The following THSD4 variants were observed in gnomAD, a reference collection of about 807,000 sequenced individuals.
The protein encoded by THSD4 is thrombospondin type 1 domain containing 4.
In THSD4, 69 loss-of-function variants were observed where a neutral mutation model predicts 119.0. The observed-to-expected ratio is 0.58, with a 90% CI of 0.48 to 0.71. The LOEUF is 0.71. Ranked by LOEUF, THSD4 falls within the 30% of genes least tolerant of loss-of-function variation. The pLI is 0.00. For missense variants in THSD4, 1,393 were observed against 1,391.1 expected, an observed-to-expected ratio of 1.00 and a Z score of -0.02; for synonymous variants, 524 against 540.4, an observed-to-expected ratio of 0.97 and a Z score of 0.42.
At chr15:71,476,627 T>A (rs965196092) in intron 7 of THSD4, among the ~76,000 whole-genome samples, 12 of 152,214 alleles carry the variant, frequency 7.9e-5, no homozygotes, top group African/African-American at 2.9e-4. Context: ...TGCTGTAGAA[T>A]GTCCTGTTTG....
At chr15:71,209,292 C>T (rs1175485398) in intron 3 of THSD4, among the ~76,000 whole-genome samples, 1 of 152,164 alleles carries the variant, frequency 6.6e-6, no homozygotes, top group African/African-American at 2.4e-5. Flanking sequence ...CTAGCAGATT[C>T]GCATTCTTTT....
At position 71,681,392 on chromosome 15, in the gene THSD4, G is replaced by A. The variant is rs552998845; in HGVS notation, c.1357+20658G>A. On this transcript the variant is annotated intron_variant, in intron 8 of 17. Transcript: ENST00000261862. ...ACAATCAGTATCAAAAGTTTACGTG[G>A]CACACTGGGCGTGGTGGCTCATGCC... Among the ~76,000 whole-genome samples the A allele has an allele frequency of 3.4e-4, 52 of 151,866 alleles. No homozygotes were observed. In the South Asian group the frequency reaches 9.2e-3, roughly 27 times the overall value.
At chr15:71,547,446 G>A (rs970073950) in intron 7 of THSD4, 23 of 1,550,304 alleles carry the variant, frequency 1.5e-5, no homozygotes, top group Non-Finnish European at 1.9e-5. Context: ...ATTGCTCCAC[G>A]TTCAAACAGC....
intron 8 of THSD4, among the ~76,000 whole-genome samples, chr15:71,686,027 T>G (rs1171446546): frequency 6.6e-6 from 1 of 152,202 alleles, no homozygotes; most frequent in Non-Finnish European, 1.5e-5. Context: ...AGAGTTCCCA[T>G]GTACTCTTAA....
intron 10 of THSD4, 140 bp downstream of exon 10, chr15:71,731,357 C>A: frequency 2.6e-6 from 2 of 764,188 alleles, no homozygotes; most frequent in Non-Finnish European, 4.4e-6. Context: ...AGCCAAGGGG[C>A]CTTGACATTG....
intron 7 of THSD4, among the ~76,000 whole-genome samples, chr15:71,641,601 G>A (rs777058172): frequency 3.9e-5 from 6 of 152,242 alleles, no homozygotes; most frequent in Non-Finnish European, 5.9e-5. Context: ...GGAGGGGTGT[G>A]ATTCCAAAGA....
rs377351190 is a variant in THSD4, at chr15:71,748,490, G to A, written c.2311G>A (p.Val771Ile). Residue 771 changes from valine (V) to isoleucine (I), a missense_variant, in exon 14 of 18, where the codon GTT (valine) becomes ATT (isoleucine). Val to Ile is a conservative substitution (Grantham distance 29). Transcript: ENST00000261862. ...GTGTGTGAGCAACATTGGGGATGTGGTTGACGATGAGGAATGCAACATGAA... is the reference window on the plus strand; with the variant it reads ...GTGTGTGAGCAACATTGGGGATGTGATTGACGATGAGGAATGCAACATGAA... The part of the protein sequence containing the change: ...VKCVSNIGDV[V>I]DDEECNMKLR... 6.2e-7 allele frequency: 1 copy of A among 1,614,134 alleles called. No individual in the cohort carries two copies. The highest frequency in any genetic ancestry group is 8.5e-7 in the Non-Finnish European group (1 of 1,180,058).
At chr15:71,304,223 T>G (rs2044992576) in intron 6 of THSD4, among the ~76,000 whole-genome samples, 1 of 152,102 alleles carries the variant, frequency 6.6e-6, no homozygotes, top group South Asian at 2.1e-4. Context: ...GCACAAGCTC[T>G]GGCCCATCTG....
chr15:71,521,517 G>A (rs577508593), intron 7 of THSD4, among the ~76,000 whole-genome samples: 56 of 152,274 alleles, frequency 3.7e-4, no homozygotes, highest in African/African-American at 1.3e-3. Context: ...TCCTGGCAGA[G>A]TTACTTTTTA....
intron 7 of THSD4, among the ~76,000 whole-genome samples, chr15:71,445,824 C>T (rs2140567877): frequency 6.6e-6 from 1 of 152,318 alleles, no homozygotes; most frequent in Middle Eastern, 3.4e-3. Flanking sequence ...AAATGTTATC[C>T]ATGACGGGAT....
At chr15:71,250,987 A>G (rs2044254228) in intron 5 of THSD4, among the ~76,000 whole-genome samples, 1 of 152,236 alleles carries the variant, frequency 6.6e-6, no homozygotes, top group African/African-American at 2.4e-5. Flanking sequence ...CAAAACAACA[A>G]CAATGAAAAA....
intron 7 of THSD4, among the ~76,000 whole-genome samples, chr15:71,596,047 TTTTG>T (rs1470073321): frequency 1.3e-5 from 2 of 152,202 alleles, no homozygotes; most frequent in Non-Finnish European, 1.5e-5. Context: ...AAAAGTTCAG[TTTTG>T]TTTGTTTTGA....
At chr15:71,510,073 G>A (rs1210243787) in intron 7 of THSD4, among the ~76,000 whole-genome samples, 1 of 152,232 alleles carries the variant, frequency 6.6e-6, no homozygotes, top group Non-Finnish European at 1.5e-5. Context: ...CCCTAGAGCT[G>A]TGTGTCGCTG....
intron 7 of THSD4, among the ~76,000 whole-genome samples, chr15:71,484,795 A>G (rs2140677799): frequency 6.6e-6 from 1 of 152,284 alleles, no homozygotes; most frequent in East Asian, 1.9e-4. Flanking sequence ...CTTGTGATGG[A>G]GTACGACCTG....
At chr15:71,566,777 C>G (rs72737273) in intron 7 of THSD4, among the ~76,000 whole-genome samples, 8,270 of 151,294 alleles carry the variant, frequency 0.055, 268 homozygotes, top group South Asian at 0.11. Flanking sequence ...GCCATTCCCA[C>G]TTGGTCATCA....
intron 7 of THSD4, among the ~76,000 whole-genome samples, chr15:71,553,789 G>C (rs2048971145): frequency 6.6e-6 from 1 of 152,246 alleles, no homozygotes; most frequent in African/African-American, 2.4e-5. Context: ...GCTCATATGA[G>C]TTGTTTCCAT....
chr15:71,667,644 T>C (rs2141008029), intron 8 of THSD4, among the ~76,000 whole-genome samples: 1 of 152,350 alleles, frequency 6.6e-6, no homozygotes, highest in South Asian at 2.1e-4. Flanking sequence ...ATTTGCAAGC[T>C]TTAATTTATT....
intron 8 of THSD4, among the ~76,000 whole-genome samples, chr15:71,692,197 G>T (rs187599191): frequency 6.6e-6 from 1 of 152,148 alleles, no homozygotes; most frequent in Non-Finnish European, 1.5e-5. Context: ...TAAAGGAGAC[G>T]TGGGTGTATG....
chr15:71,656,795 A>G (rs952821621), intron 7 of THSD4, among the ~76,000 whole-genome samples: 1 of 152,224 alleles, frequency 6.6e-6, no homozygotes, highest in Non-Finnish European at 1.5e-5. Context: ...TTAGTTTCCT[A>G]TAAATTTCAG....
Sources: gnomAD v4.1 joint callset for allele counts (sites outside exome capture counted in the v4.1 genomes callset) on GRCh38, gnomAD v4.1.1 for gene constraint, MANE v1.5 for transcripts, NCBI Gene and HGNC (gene_info 2026-07-23, HGNC 2026-07-21) for gene names.